SLC12A2: variants seen among roughly 807,000 people sequenced by gnomAD.
SLC12A2 encodes Na-K-2Cl cotransporter 1.
SLC12A2 carries 67 observed loss-of-function variants against 136.3 expected under a neutral mutation model. That is an observed-to-expected ratio of 0.49 (90% CI 0.40 to 0.60). The LOEUF (loss-of-function observed/expected upper bound fraction) is 0.60, where lower values mean the gene tolerates loss of function less well. Ranked by LOEUF, SLC12A2 falls within the 20% of genes least tolerant of loss-of-function variation. The pLI is 0.00. For synonymous variants in SLC12A2, 619 were observed against 562.9 expected (o/e 1.10, Z -1.41); for missense variants, 1,322 against 1,534.7 (o/e 0.86, Z 2.32).
intron 1 of SLC12A2, among the ~76,000 whole-genome samples, chr5:128,104,656 TATATAGATATATAGATATATAG>T (rs905504865): frequency 1.7e-4 from 22 of 128,430 alleles, no homozygotes; most frequent in African/African-American, 7.6e-4. Context: ...AAAATATATA[TATATAGATATATAGATATATAG>T]ATATAGATAT....
chr5:128,127,045 G>A (rs4836363), intron 4 of SLC12A2, among the ~76,000 whole-genome samples: 17 of 113,980 alleles, frequency 1.5e-4, no homozygotes, highest in African/African-American at 2.1e-4. Context: ...AGATATTATC[G>A]TTTCTGTCGA....
chr5:128,124,230 A>G (rs1055471341), intron 4 of SLC12A2, among the ~76,000 whole-genome samples: 7 of 152,322 alleles, frequency 4.6e-5, no homozygotes, highest in African/African-American at 1.4e-4. Context: ...TCTGACTCCA[A>G]ATGTGTGGGT....
intron 24 of SLC12A2, 111 bp from the exon 25 acceptor site, chr5:128,184,255 C>T (rs994253042): frequency 1.8e-5 from 12 of 652,138 alleles, no homozygotes; most frequent in Middle Eastern, 8.8e-4. Flanking sequence ...TGGAGAGGAG[C>T]GTAATAAATG....
At chr5:128,117,112 T>G (rs1761378880) in intron 4 of SLC12A2, among the ~76,000 whole-genome samples, 1 of 152,172 alleles carries the variant, frequency 6.6e-6, no homozygotes, top group Non-Finnish European at 1.5e-5. Flanking sequence ...TGTGCCCATG[T>G]TGTGTATTTC....
chr5:128,084,822 C>T lies in SLC12A2; in HGVS notation c.756+112C>T. On this transcript the variant is annotated intron_variant, in intron 1 of 26. Transcript: ENST00000262461. The surrounding 1 kb of genome is among the most constrained non-coding windows in gnomAD (Gnocchi z 5.6). ...TGGCGGGAGTAGTAGACGTGCACGA[C>T]TTGCTGGCATCTCTGGATTCAGCTG... 1 of 1,177,582 alleles carries T rather than the reference C, an allele frequency of 8.5e-7. No homozygotes were observed. The allele number at this position is 1,177,582 out of a possible 1,614,324, so 72.9% of individuals were successfully genotyped here.
At chr5:128,119,238 T>G (rs777536825) in intron 4 of SLC12A2, among the ~76,000 whole-genome samples, 1 of 152,324 alleles carries the variant, frequency 6.6e-6, no homozygotes, top group Non-Finnish European at 1.5e-5. Context: ...GAGTGATGTC[T>G]GGTGAACCCA....
chr5:128,156,921 T>C (rs1762887752), intron 15 of SLC12A2, among the ~76,000 whole-genome samples: 1 of 152,118 alleles, frequency 6.6e-6, no homozygotes, highest in African/African-American at 2.4e-5. Flanking sequence ...ATTTAGCTCC[T>C]AGGAAGGCTA....
intron 1 of SLC12A2, among the ~76,000 whole-genome samples, chr5:128,101,970 T>C (rs967785164): frequency 2.6e-5 from 4 of 152,198 alleles, no homozygotes; most frequent in Non-Finnish European, 4.4e-5. Context: ...AATCTTAAAC[T>C]CTGCCAATAT....
chr5:128,119,294 G>A (rs1761465781), intron 4 of SLC12A2, among the ~76,000 whole-genome samples: 1 of 152,128 alleles, frequency 6.6e-6, no homozygotes, highest in Non-Finnish European at 1.5e-5. Flanking sequence ...GGGAATTAAT[G>A]AGGAAATAAA....
chr5:128,125,408 A>C (rs1159508217), intron 4 of SLC12A2, among the ~76,000 whole-genome samples: 1 of 152,166 alleles, frequency 6.6e-6, no homozygotes, highest in South Asian at 2.1e-4. Flanking sequence ...CTTGATGTTC[A>C]ATGATGAGGA....
At chr5:128,145,835 C>G in intron 10 of SLC12A2, among the ~76,000 whole-genome samples, 1 of 151,952 alleles carries the variant, frequency 6.6e-6, no homozygotes, top group East Asian at 1.9e-4. Context: ...AACCTGATTT[C>G]CTTATCTCTT....
chr5:128,170,194 T>C (rs1763328886), intron 18 of SLC12A2: 1 of 152,228 alleles, frequency 6.6e-6, no homozygotes, highest in South Asian at 2.1e-4. Flanking sequence ...CACAGTAAAC[T>C]TGGGGAGCTA....
At position 128,100,878 on chromosome 5, in the gene SLC12A2, T is replaced by A. The variant is rs555121821; in HGVS notation, c.757-11936T>A. 3.9e-5 allele frequency among the ~76,000 whole-genome samples: 6 copies of A among 152,316 alleles called. 1 individual carries two copies. In the South Asian group the frequency reaches 1.2e-3, roughly 32 times the overall value. On this transcript the variant is annotated intron_variant, in intron 1 of 26. Coordinates refer to ENST00000262461, the MANE Select transcript of SLC12A2 (RefSeq NM_001046.3). ...TGACATTAGCAAGTTGTGTGGGATT[T>A]GAAGCAATGCTATTTCTAATGCATT...
intron 1 of SLC12A2, chr5:128,110,152 G>A (rs916087477): frequency 4.7e-6 from 4 of 860,214 alleles, no homozygotes; most frequent in Non-Finnish European, 8.2e-6. Flanking sequence ...TCTTTGACTA[G>A]AAAGGTGAAG....
At chr5:128,166,697 T>C (rs13183342) in intron 17 of SLC12A2, among the ~76,000 whole-genome samples, 9,203 of 152,018 alleles carry the variant, frequency 0.061, 385 homozygotes, top group Non-Finnish European at 0.09. Flanking sequence ...AGAATTTCTG[T>C]TTGGGGTGAT....
At chr5:128,117,018 T>G (rs1761375596) in intron 4 of SLC12A2, among the ~76,000 whole-genome samples, 1 of 152,212 alleles carries the variant, frequency 6.6e-6, no homozygotes, top group Non-Finnish European at 1.5e-5. Flanking sequence ...GTCTTAAAAT[T>G]TATCCTGAAA....
At chr5:128,087,404 C>T (rs976875715) in intron 1 of SLC12A2, among the ~76,000 whole-genome samples, 19 of 152,076 alleles carry the variant, frequency 1.2e-4, no homozygotes, top group Admixed American at 3.3e-4. Context: ...TTAAGTGTTA[C>T]GAAAGAAAAG....
At chr5:128,139,123 C>T (rs1762274444) in intron 9 of SLC12A2, among the ~76,000 whole-genome samples, 1 of 151,994 alleles carries the variant, frequency 6.6e-6, no homozygotes, top group African/African-American at 2.4e-5. Context: ...TATGGTATCT[C>T]CAGGATTTTT....
chr5:128,129,142 A>G (rs1191113783), intron 4 of SLC12A2, among the ~76,000 whole-genome samples: 2 of 152,066 alleles, frequency 1.3e-5, no homozygotes, highest in African/African-American at 4.8e-5. Flanking sequence ...TAAAGACAAG[A>G]GTGTTGACTA....
Sources: gnomAD v4.1 joint callset for allele counts (sites outside exome capture counted in the v4.1 genomes callset) on GRCh38, gnomAD v4.1.1 for gene constraint, Gnocchi (gnomAD v3.1) non-coding constraint, MANE v1.5 for transcripts, NCBI Gene and HGNC (gene_info 2026-07-23, HGNC 2026-07-21) for gene names.